The following PCSK2 variants were observed in gnomAD, a reference collection of about 807,000 sequenced individuals.
The protein encoded by PCSK2 is proprotein convertase subtilisin/kexin type 2.
Under a neutral mutation model 69.7 loss-of-function variants are expected in PCSK2, and 14 were observed. The ratio of observed to expected loss-of-function variants is 0.20; its 90% CI spans 0.13 to 0.31. PCSK2 has a LOEUF of 0.31. Ranked by LOEUF, PCSK2 falls within the 10% of genes least tolerant of loss-of-function variation. PCSK2 has a pLI of 1.00. For synonymous variants in PCSK2, 307 were observed against 320.7 expected (o/e 0.96, Z 0.46); for missense variants, 544 against 842.5 (o/e 0.65, Z 4.39).
At chr20:17,444,449 G>C (rs2032658786) in intron 8 of PCSK2, among the ~76,000 whole-genome samples, 1 of 152,178 alleles carries the variant, frequency 6.6e-6, no homozygotes, top group Non-Finnish European at 1.5e-5. Context: ...AGTGAGGAGT[G>C]GGCAAGAAGG....
chr20:17,355,258 T>G (rs1227969948), intron 2 of PCSK2, among the ~76,000 whole-genome samples: 1 of 152,202 alleles, frequency 6.6e-6, no homozygotes, highest in Non-Finnish European at 1.5e-5. Context: ...CTGATGTGAG[T>G]ATTTTTGTTC....
intron 5 of PCSK2, among the ~76,000 whole-genome samples, chr20:17,388,816 C>T (rs1230159247): frequency 6.6e-6 from 1 of 152,050 alleles, no homozygotes. Flanking sequence ...TCGGATTTTT[C>T]GCACATCATG....
intron 2 of PCSK2, among the ~76,000 whole-genome samples, chr20:17,314,471 A>G (rs1989616981): frequency 6.6e-6 from 1 of 152,192 alleles, no homozygotes; most frequent in Non-Finnish European, 1.5e-5. Context: ...GGCAATTGTG[A>G]GCTAACAGGG....
intron 5 of PCSK2, among the ~76,000 whole-genome samples, chr20:17,394,592 G>A (rs748190650): frequency 3.9e-5 from 6 of 152,140 alleles, no homozygotes; most frequent in Non-Finnish European, 7.3e-5. Context: ...CACGAATGTT[G>A]GTGGTAGCAG....
intron 10 of PCSK2, chr20:17,465,073 T>C (rs2033077132): frequency 2.0e-6 from 1 of 504,460 alleles, no homozygotes; most frequent in African/African-American, 1.9e-5. Context: ...GCCATTCCGG[T>C]GTGTGTGTTA....
chr20:17,479,933 TCTGGAGTCTTGATGTTACAC>T (rs2033365747), intron 11 of PCSK2, among the ~76,000 whole-genome samples: 1 of 115,738 alleles, frequency 8.6e-6, no homozygotes, highest in Non-Finnish European at 2.0e-5. Flanking sequence ...ATTCTCAAAG[TCTGGAGTCTTGATGTTACAC>T]CACGCAATCC....
In PCSK2 at chr20:17,288,133, G is replaced by A. The variant is rs150318975; in HGVS notation, c.282+27789G>A. ...CTGATCAAGCTGGACTCCTTCACCA[G>A]GCCCTTCCAGGAACGGACAACTCTG... is the stretch of plus-strand genomic sequence containing the variant. On this transcript the variant is annotated intron_variant, in intron 2 of 11. Transcript: ENST00000262545. Among the ~76,000 whole-genome samples, 1,318 of 152,196 alleles carry A rather than the reference G, an allele frequency of 8.7e-3. 21 individuals carry two copies. The highest frequency in any genetic ancestry group is 0.03 in the African/African-American group (1,259 of 41,502).
At chr20:17,291,132 G>A (rs1988680598) in intron 2 of PCSK2, among the ~76,000 whole-genome samples, 1 of 149,988 alleles carries the variant, frequency 6.7e-6, no homozygotes, top group South Asian at 2.1e-4. Context: ...ATATATAGGT[G>A]TGAAGTTTAA....
rs553154952 is a variant in PCSK2, at chr20:17,436,545, A to G, written c.710-163A>G. Among the ~76,000 whole-genome samples, 3 of 152,336 alleles carry G rather than the reference A, an allele frequency of 2.0e-5. No individual in the cohort carries two copies. The South Asian group carries it at 6.2e-4, about 32-fold the overall frequency. ...TGGGATGCAGAAAGGAGCCAGTAGGACCGTCTGTGCCTCTTTCTTGATCCC... is the reference window on the plus strand; with the variant it reads ...TGGGATGCAGAAAGGAGCCAGTAGGGCCGTCTGTGCCTCTTTCTTGATCCC... On this transcript the variant is annotated intron_variant, in intron 7 of 11. Transcript: ENST00000262545.
intron 2 of PCSK2, among the ~76,000 whole-genome samples, chr20:17,295,092 A>G (rs1246166249): frequency 6.6e-6 from 1 of 151,992 alleles, no homozygotes; most frequent in Non-Finnish European, 1.5e-5. Context: ...TGTTTTTCTC[A>G]TAGCAAATTG....
In PCSK2 at chr20:17,482,886, A is replaced by G. The variant is rs552242501; in HGVS notation, c.*816A>G. 2.6e-5 allele frequency: 4 copies of G among 152,352 alleles called. No individual in the cohort carries two copies. In the East Asian group the frequency reaches 7.7e-4, roughly 29 times the overall value. 9.4% of individuals were successfully genotyped at this position (152,352 alleles called of 1,614,324 possible). On this transcript the variant is annotated 3_prime_UTR_variant, in exon 12 of 12. Transcript: ENST00000262545. Reference sequence around the variant, plus strand: ...ATTTTCTGGGGCTCCTCACATAGCTACCCAAAAGAGAAAAAAAATTAAGAC... The same window carrying G: ...ATTTTCTGGGGCTCCTCACATAGCTGCCCAAAAGAGAAAAAAAATTAAGAC...
At chr20:17,348,089 A>ATG (rs1990746625) in intron 2 of PCSK2, among the ~76,000 whole-genome samples, 5 of 150,118 alleles carry the variant, frequency 3.3e-5, no homozygotes, top group Non-Finnish European at 5.9e-5. Flanking sequence ...GAAAGAAAGA[A>ATG]AGAAAGAAAG....
chr20:17,266,401 G>A (rs894201205), intron 2 of PCSK2, among the ~76,000 whole-genome samples: 14 of 152,190 alleles, frequency 9.2e-5, no homozygotes, highest in African/African-American at 2.7e-4. Flanking sequence ...AATGGGACAC[G>A]ACCAGGGTCC....
chr20:17,317,587 G>C (rs959994243), intron 2 of PCSK2, among the ~76,000 whole-genome samples: 1 of 152,100 alleles, frequency 6.6e-6, no homozygotes, highest in African/African-American at 2.4e-5. Flanking sequence ...GCTGCCATCT[G>C]TTCCTCTCCA....
At chr20:17,267,153 A>G (rs1324204122) in intron 2 of PCSK2, among the ~76,000 whole-genome samples, 2 of 152,134 alleles carry the variant, frequency 1.3e-5, no homozygotes, top group African/African-American at 4.8e-5. Context: ...GATTGAACTG[A>G]ACTAAGAGGG....
intron 9 of PCSK2, among the ~76,000 whole-genome samples, chr20:17,454,842 C>T (rs1038089475): frequency 6.6e-6 from 1 of 152,208 alleles, no homozygotes; most frequent in Non-Finnish European, 1.5e-5. Flanking sequence ...CGATCCCACG[C>T]TCCCACGTGG....
intron 5 of PCSK2, among the ~76,000 whole-genome samples, chr20:17,391,586 G>A (rs113355495): frequency 7.3e-4 from 111 of 152,310 alleles, no homozygotes; most frequent in African/African-American, 1.9e-3. Flanking sequence ...TGAGCTACTA[G>A]TGGAGGCTGG....
At position 17,239,897 on chromosome 20, in the gene PCSK2, A is replaced by G. The variant is rs1986499098; in HGVS notation, c.177+12415A>G. On this transcript the variant is annotated intron_variant, in intron 1 of 11. Coordinates refer to ENST00000262545, the MANE Select transcript of PCSK2 (RefSeq NM_002594.5). ...TGAGATGAAGTCTCACTCTGTTGCCAGGCTGGAGTGCAATGGCGCGATCTC... is the reference window on the plus strand; with the variant it reads ...TGAGATGAAGTCTCACTCTGTTGCCGGGCTGGAGTGCAATGGCGCGATCTC... 6.2e-5 allele frequency among the ~76,000 whole-genome samples: 7 copies of G among 113,032 alleles called. No individual in the cohort carries two copies. The Admixed American group carries it at 9.4e-4, about 15-fold the overall frequency. The allele number at this position is 113,032 out of a possible 152,430, so 74.2% of individuals were successfully genotyped here. A position where few individuals can be genotyped will look rare whatever the true frequency, so the allele number is the denominator to read the frequency against.
intron 2 of PCSK2, chr20:17,262,987 C>T (rs1987448874): frequency 5.7e-6 from 1 of 175,252 alleles, no homozygotes; most frequent in African/African-American, 2.4e-5. Context: ...CCCAGCCTGT[C>T]TCACTCACTG....
Sources: gnomAD v4.1 joint callset for allele counts (sites outside exome capture counted in the v4.1 genomes callset) on GRCh38, gnomAD v4.1.1 for gene constraint, MANE v1.5 for transcripts, NCBI Gene and HGNC (gene_info 2026-07-23, HGNC 2026-07-21) for gene names.